Variants in RASGRF2 observed in about 807,000 individuals in gnomAD.
RASGRF2 encodes Ras protein specific guanine nucleotide releasing factor 2.
In RASGRF2, 76 loss-of-function variants were observed where a neutral mutation model predicts 151.0. The observed-to-expected ratio is 0.50, with a 90% CI of 0.42 to 0.61. The LOEUF is 0.61. Ranked by LOEUF, RASGRF2 falls within the 20% of genes least tolerant of loss-of-function variation. RASGRF2 has a pLI of 0.00. For missense variants in RASGRF2, 1,148 were observed against 1,564.6 expected, an observed-to-expected ratio of 0.73 and a Z score of 4.49; for synonymous variants, 504 against 566.5, an observed-to-expected ratio of 0.89 and a Z score of 1.57.
chr5:81,130,136 C>G (rs915569045), intron 17 of RASGRF2, among the ~76,000 whole-genome samples: 2 of 152,156 alleles, frequency 1.3e-5, no homozygotes, highest in African/African-American at 4.8e-5. Flanking sequence ...GGAAGAAAAC[C>G]CTTCTTCAGC....
At chr5:80,974,331 C>T (rs978955240) in intron 1 of RASGRF2, among the ~76,000 whole-genome samples, 6 of 152,222 alleles carry the variant, frequency 3.9e-5, no homozygotes, top group East Asian at 1.9e-4. Context: ...GTTCTACCCC[C>T]GAATGAAGCA....
chr5:81,159,689 G>A (rs931393410), intron 17 of RASGRF2, among the ~76,000 whole-genome samples: 1 of 152,124 alleles, frequency 6.6e-6, no homozygotes, highest in African/African-American at 2.4e-5. Context: ...AACTCTGTGT[G>A]GGTGAATTAC....
chr5:81,144,984 A>C (rs2112608426), intron 17 of RASGRF2, among the ~76,000 whole-genome samples: 1 of 152,294 alleles, frequency 6.6e-6, no homozygotes, highest in South Asian at 2.1e-4. Flanking sequence ...TCACGCCTGT[A>C]ATCCCAGCAC....
intron 1 of RASGRF2, among the ~76,000 whole-genome samples, chr5:80,977,523 C>T (rs1226597153): frequency 2.0e-5 from 3 of 151,982 alleles, no homozygotes; most frequent in Non-Finnish European, 2.9e-5. Context: ...AGTGCAATGA[C>T]ACAATCTCAG....
chr5:81,211,530 C>T (rs925597135), intron 22 of RASGRF2, among the ~76,000 whole-genome samples: 1 of 152,226 alleles, frequency 6.6e-6, no homozygotes, highest in African/African-American at 2.4e-5. Context: ...GATGCGCAGG[C>T]ACTCAGTGAA....
intron 6 of RASGRF2, 54 bp downstream of exon 6, chr5:81,080,254 A>G (rs1363902070): frequency 6.4e-7 from 1 of 1,572,350 alleles, no homozygotes; most frequent in Non-Finnish European, 8.6e-7. Flanking sequence ...CTGCAATTAG[A>G]GTAAAATAGC....
rs547939098 is a variant in RASGRF2 at position 81,000,050 on chromosome 5, T to C, written c.288+39024T>C. Among the ~76,000 whole-genome samples the C allele has an allele frequency of 7.2e-5, 11 of 152,266 alleles. No homozygotes were observed. In the South Asian group the frequency reaches 2.3e-3, roughly 32 times the overall value. ...GTGGCTGGGGCTGGAGTAGCTCGAC[T>C]GGGAATGGCCAGGATTGCAACAGCT... On this transcript the variant is annotated intron_variant, in intron 1 of 26. Transcript: ENST00000265080.
At chr5:80,984,700 C>T (rs1748422349) in intron 1 of RASGRF2, among the ~76,000 whole-genome samples, 1 of 152,036 alleles carries the variant, frequency 6.6e-6, no homozygotes, top group African/African-American at 2.4e-5. Context: ...TATTAATGTG[C>T]CAAGGTGTGT....
At chr5:80,962,901 T>A (rs1580141975) in intron 1 of RASGRF2, among the ~76,000 whole-genome samples, 1 of 152,358 alleles carries the variant, frequency 6.6e-6, no homozygotes, top group East Asian at 1.9e-4. Flanking sequence ...ATTTTATTCA[T>A]CTTCAAGAGG....
intron 17 of RASGRF2, among the ~76,000 whole-genome samples, chr5:81,135,284 A>G (rs1753727042): frequency 1.3e-5 from 2 of 152,188 alleles, no homozygotes; most frequent in Admixed American, 1.3e-4. Flanking sequence ...AGCCTGGGCG[A>G]CAGAGCAAAA....
chr5:81,122,810 A>G (rs1473166566), intron 15 of RASGRF2, among the ~76,000 whole-genome samples: 3 of 152,236 alleles, frequency 2.0e-5, no homozygotes, highest in Middle Eastern at 3.2e-3. Flanking sequence ...GGAGGGGCAT[A>G]GAAACATCAT....
chr5:81,088,783 A>C (rs1752310895), intron 9 of RASGRF2, among the ~76,000 whole-genome samples: 1 of 152,196 alleles, frequency 6.6e-6, no homozygotes, highest in African/African-American at 2.4e-5. Flanking sequence ...GCTTGAAAAA[A>C]CATTCAATAA....
chr5:81,229,953 T>C lies in RASGRF2; in HGVS notation c.*4183T>C, dbSNP rs1414336500. The C allele has an allele frequency of 1.3e-5, 2 of 152,234 alleles. No individual in the cohort carries two copies. The highest frequency in any genetic ancestry group is 2.9e-5 in the Non-Finnish European group (2 of 68,040). The allele number at this position is 152,234 out of a possible 1,614,324, so 9.4% of individuals were successfully genotyped here. On this transcript the variant is annotated 3_prime_UTR_variant, in exon 27 of 27. Coordinates refer to ENST00000265080, the MANE Select transcript of RASGRF2 (RefSeq NM_006909.3). ...GTCCTCAGATCTCTTTTGTAGAGGA[T>C]TTCAATGTATTTCTTTATCATTTGA...
chr5:81,107,371 A>G (rs1002319690), intron 12 of RASGRF2, among the ~76,000 whole-genome samples: 11 of 152,090 alleles, frequency 7.2e-5, no homozygotes, highest in African/African-American at 2.4e-4. Context: ...AAAAAATAAT[A>G]ATAATAACAA....
chr5:81,043,340 A>T (rs947598112), intron 2 of RASGRF2, among the ~76,000 whole-genome samples: 8 of 152,206 alleles, frequency 5.3e-5, no homozygotes, highest in Non-Finnish European at 8.8e-5. Flanking sequence ...CTGTCTGCAG[A>T]TAAGGAAACT....
intron 22 of RASGRF2, among the ~76,000 whole-genome samples, chr5:81,208,743 G>T (rs1755568436): frequency 6.6e-6 from 1 of 151,778 alleles, no homozygotes; most frequent in South Asian, 2.1e-4. Context: ...TAGTAAAGGG[G>T]TTTCACCATG....
At chr5:81,021,728 C>T (rs1476476624) in intron 1 of RASGRF2, among the ~76,000 whole-genome samples, 1 of 152,096 alleles carries the variant, frequency 6.6e-6, no homozygotes, top group Non-Finnish European at 1.5e-5. Context: ...GTTCATTTGC[C>T]CAATGCACAG....
At chr5:81,013,331 G>A (rs527506) in intron 1 of RASGRF2, among the ~76,000 whole-genome samples, 85,046 of 151,916 alleles carry the variant, frequency 0.56, 24,243 homozygotes, top group Middle Eastern at 0.69. Flanking sequence ...TCCTCTCTGC[G>A]ATTCCCACCT....
intron 17 of RASGRF2, among the ~76,000 whole-genome samples, chr5:81,149,799 C>G (rs544083845): frequency 1.3e-5 from 2 of 152,242 alleles, no homozygotes; most frequent in East Asian, 1.9e-4. Flanking sequence ...TTTAAAGTAT[C>G]TAATTCAGTG....
Sources: allele counts gnomAD v4.1 joint callset (sites outside exome capture counted in the v4.1 genomes callset), GRCh38; gene constraint gnomAD v4.1.1; transcripts MANE v1.5; gene names NCBI Gene and HGNC (gene_info 2026-07-23, HGNC 2026-07-21).